LILRB2: variants seen among roughly 807,000 people sequenced by gnomAD.
LILRB2 encodes leukocyte immunoglobulin like receptor B2, also known as leukocyte immunoglobulin-like receptor subfamily B member 2.
LILRB2 carries 47 observed loss-of-function variants against 72.7 expected under a neutral mutation model. The observed-to-expected ratio is 0.65, with a 90% CI of 0.51 to 0.82. The LOEUF is 0.82. LILRB2 is among the 40% of genes least tolerant of loss of function. LILRB2 has a pLI of 0.00. For missense variants in LILRB2, 767 were observed against 764.8 expected (o/e 1.00, Z -0.03); for synonymous variants, 279 against 313.7 (o/e 0.89, Z 1.17).
intron 13 of LILRB2, chr19:54,275,138 C>T: frequency 6.5e-7 from 1 of 1,535,768 alleles, no homozygotes; most frequent in Non-Finnish European, 8.9e-7. Context: ...CCTCACTGTT[C>T]CCGGGGTGAT....
Position 54,274,594 on chromosome 19 carries a change from G to T in LILRB2, c.*89C>A. 1 of 1,601,082 alleles carries T rather than the reference G, an allele frequency of 6.2e-7. No individual in the cohort carries two copies. The highest frequency in any genetic ancestry group is 1.3e-5 in the African/African-American group (1 of 74,750). ...TTGTTAGGGGTCCAGGCTGACTGGGGTTCATTGGTGTCCACTGGGGGCAGC... is the reference window on the plus strand; with the variant it reads ...TTGTTAGGGGTCCAGGCTGACTGGGTTTCATTGGTGTCCACTGGGGGCAGC... On this transcript the variant is annotated 3_prime_UTR_variant, in exon 14 of 14. Coordinates refer to ENST00000314446, the MANE Select transcript of LILRB2 (RefSeq NM_001080978.4).
chr19:54,277,849 T>A (rs2147769722), intron 8 of LILRB2, 40 bp downstream of exon 8: 1 of 1,496,840 alleles, frequency 6.7e-7, no homozygotes. Context: ...GCCCTGGGGG[T>A]CGCTGCGCTC....
Position 54,278,797 on chromosome 19 carries a change from CG to C in LILRB2, c.955+14del. 6.2e-7 allele frequency: 1 copy of C among 1,610,948 alleles called. No homozygotes were observed. The highest frequency in any genetic ancestry group is 8.5e-7 in the Non-Finnish European group (1 of 1,179,206). ...CAGAGTCTGGGTCCCTGACTGAACC[CG>C]CTGGGCTCCTCACCTGTGATCAGGA... On this transcript the variant is annotated intron_variant, in intron 6 of 13. Coordinates refer to ENST00000314446, the MANE Select transcript of LILRB2 (RefSeq NM_001080978.4).
At chr19:54,278,149 G>T in intron 7 of LILRB2, 111 bp downstream of exon 7, 1 of 1,434,364 alleles carries the variant, frequency 7.0e-7, no homozygotes, top group Non-Finnish European at 9.5e-7. Flanking sequence ...TCTCCCACTG[G>T]CTGAGCCCCG....
At chr19:54,279,180 T>C in intron 5 of LILRB2, 72 bp from the exon 6 acceptor site, 1 of 1,516,034 alleles carries the variant, frequency 6.6e-7, no homozygotes, top group Non-Finnish European at 8.8e-7. Context: ...TCTCCCCCGG[T>C]GCCTCACCAC....
At position 54,280,315 on chromosome 19, in the gene LILRB2, C is replaced by A; in HGVS notation, c.35-16G>T. 1.9e-6 allele frequency: 3 copies of A among 1,614,178 alleles called. No individual in the cohort carries two copies. Among genetic ancestry groups the A allele is most frequent in the Non-Finnish European group, 1.7e-6 (2 of 1,180,010 alleles). On this transcript the variant is annotated splice_polypyrimidine_tract_variant and intron_variant, in intron 2 of 13. Transcript: ENST00000314446. ...AGACTCAGCCCTGGAAGAGAGTTCC[C>A]TGTGAGGGATTTGCCCCCTGAAGCC...
In LILRB2 at chr19:54,276,285, C is replaced by T. The variant is rs369899348; in HGVS notation, c.1573G>A (p.Asp525Asn). 5.6e-6 allele frequency: 9 copies of T among 1,613,922 alleles called. No homozygotes were observed. Among genetic ancestry groups the T allele is most frequent in the Middle Eastern group, 1.6e-4 (1 of 6,078 alleles). Residue 525 changes from aspartate (D) to asparagine (N), a missense_variant, in exon 12 of 14, where the codon GAC (aspartate) becomes AAC (asparagine). Coordinates refer to ENST00000314446, the MANE Select transcript of LILRB2 (RefSeq NM_001080978.4). Reference protein sequence around the residue: ...GLQWRSSPAADAQEENLYAAV... With the variant: ...GLQWRSSPAANAQEENLYAAV... The stretch of plus-strand genomic sequence containing the variant: ...TCACAGAGGTTTTCTTCCTGGGCGT[C>T]GGCAGCTGGGCTGGACCTGGGGGAG...
At chr19:54,278,066 A>G in intron 7 of LILRB2, 127 bp from the exon 8 acceptor site, 4 of 1,100,842 alleles carry the variant, frequency 3.6e-6, no homozygotes, top group East Asian at 2.6e-5. Context: ...TCTCCTGTCC[A>G]TGATGCTGGC....
rs1356570312 is a variant in LILRB2, at chr19:54,275,794, G to C, written c.1647+157C>G. Reference sequence around the variant, plus strand: ...CCCACGAGGTCCCAGGACAGCAGGAGAGAGTGAGGTCACAGCAGGCGGGAG... The same window carrying C: ...CCCACGAGGTCCCAGGACAGCAGGACAGAGTGAGGTCACAGCAGGCGGGAG... On this transcript the variant is annotated intron_variant, in intron 13 of 13. Coordinates refer to ENST00000314446, the MANE Select transcript of LILRB2 (RefSeq NM_001080978.4). 3.0e-6 allele frequency: 3 copies of C among 998,138 alleles called. No individual in the cohort carries two copies. The African/African-American group carries it at 4.8e-5, about 16-fold the overall frequency. 61.8% of individuals were successfully genotyped at this position (998,138 alleles called of 1,614,324 possible).
chr19:54,275,667 G>C (rs548206676), intron 13 of LILRB2: 1 of 584,022 alleles, frequency 1.7e-6, no homozygotes, highest in African/African-American at 1.9e-5. Flanking sequence ...CAGGGGACCG[G>C]GGTGGTTCAT....
chr19:54,280,997 G>C lies in LILRB2; in HGVS notation c.-85C>G, dbSNP rs528274144. On this transcript the variant is annotated 5_prime_UTR_variant, in exon 1 of 14. Coordinates refer to ENST00000314446, the MANE Select transcript of LILRB2 (RefSeq NM_001080978.4). The stretch of plus-strand genomic sequence containing the variant: ...TCCCTCCAGCCCTGGAGATGCTTCA[G>C]GGAAGACCCAGGTCCATGCTGCAGG... 1.9e-4 allele frequency: 224 copies of C among 1,180,836 alleles called. 2 individuals carry two copies. In the East Asian group the frequency reaches 9.5e-3, roughly 50 times the overall value. The allele number at this position is 1,180,836 out of a possible 1,614,324, so 73.1% of individuals were successfully genotyped here. A position where few individuals can be genotyped will look rare whatever the true frequency, so the allele number is the denominator to read the frequency against.
At chr19:54,275,787 A>T in intron 13 of LILRB2, 164 bp downstream of exon 13, 2 of 952,440 alleles carry the variant, frequency 2.1e-6, no homozygotes, top group Non-Finnish European at 3.4e-6. Context: ...GTCCCAGGAC[A>T]GCAGGAGAGA....
Position 54,274,484 on chromosome 19 carries a change from C to T in LILRB2, c.*199G>A. On this transcript the variant is annotated 3_prime_UTR_variant, in exon 14 of 14. Transcript: ENST00000314446. ...TCATTGATTATTGAGAAGTCTGTTG[C>T]TTTAATTAAAAAATGTAGGGATATT... 3 of 1,006,078 alleles carry T rather than the reference C, an allele frequency of 3.0e-6. No individual in the cohort carries two copies. Among genetic ancestry groups the T allele is most frequent in the East Asian group, 5.3e-5 (2 of 37,742 alleles). 62.3% of individuals were successfully genotyped at this position (1,006,078 alleles called of 1,614,324 possible). A position where few individuals can be genotyped will look rare whatever the true frequency, so the allele number is the denominator to read the frequency against.
chr19:54,274,716 C>A lies in LILRB2; in HGVS notation c.1761G>T (p.Glu587Asp). 2 of 1,613,900 alleles carry A rather than the reference C, an allele frequency of 1.2e-6. No individual in the cohort carries two copies. Reference protein sequence around the residue: ...PPSQEREPPAEPSIYATLAIH With the variant: ...PPSQEREPPADPSIYATLAIH ...TGGCCAGGGTGGCGTAGATGCTGGG[C>A]TCAGCTGGAGGTTCCCTTTCCTGGG... is the stretch of plus-strand genomic sequence containing the variant. Residue 587 changes from glutamate to aspartate, a missense_variant, in exon 14 of 14, where the codon GAG becomes GAT. Glu to Asp is a conservative substitution (Grantham distance 45, BLOSUM62 2). Coordinates refer to ENST00000314446, the MANE Select transcript of LILRB2 (RefSeq NM_001080978.4).
At position 54,274,749 on chromosome 19, in the gene LILRB2, A is replaced by C. The variant is rs775122304; in HGVS notation, c.1728T>G (p.Pro576=). The change falls in exon 14 of 14, where the codon CCT becomes CCG. Residue 576 remains proline, a synonymous_variant. Coordinates refer to ENST00000314446, the MANE Select transcript of LILRB2 (RefSeq NM_001080978.4). ...SLTLRRKATE[P]PPSQEREPPA... ...GAGGTTCCCTTTCCTGGGATGGAGG[A>C]GGCTCAGTTGCCTTCCGTCTGAGGG... The C allele has an allele frequency of 2.0e-5, 33 of 1,612,408 alleles. No homozygotes were observed. Among genetic ancestry groups the C allele is most frequent in the Non-Finnish European group, 2.8e-5 (33 of 1,179,816 alleles).
chr19:54,278,005 AT>A (rs2080326684), intron 7 of LILRB2, 66 bp from the exon 8 acceptor site: 1 of 1,279,042 alleles, frequency 7.8e-7, no homozygotes, highest in Non-Finnish European at 1.1e-6. Flanking sequence ...CTCAAACCAA[AT>A]TTCTCTACAT....
rs927801579 is a variant in LILRB2, at chr19:54,276,563, T to C, written c.1481-107A>G. The stretch of plus-strand genomic sequence containing the variant: ...AAACCTAAAAACACTCCTGCCTCCA[T>C]GTTCCAAATGCCTCATGAGATGGAC... On this transcript the variant is annotated intron_variant, in intron 10 of 13. Transcript: ENST00000314446. 7 of 1,412,250 alleles carry C rather than the reference T, an allele frequency of 5.0e-6. No homozygotes were observed. The African/African-American group carries it at 8.7e-5, about 17-fold the overall frequency. 87.5% of individuals were successfully genotyped at this position (1,412,250 alleles called of 1,614,324 possible). A position where few individuals can be genotyped will look rare whatever the true frequency, so the allele number is the denominator to read the frequency against.
At chr19:54,279,237 GC>G (rs2080424877) in intron 5 of LILRB2, 107 bp downstream of exon 5, 1 of 1,537,124 alleles carries the variant, frequency 6.5e-7, no homozygotes, top group South Asian at 1.3e-5. Flanking sequence ...GAGCCCTCTC[GC>G]CCCAACATCA....
chr19:54,279,773 C>G lies in LILRB2; in HGVS notation c.355+18G>C. On this transcript the variant is annotated intron_variant, in intron 4 of 13. Coordinates refer to ENST00000314446, the MANE Select transcript of LILRB2 (RefSeq NM_001080978.4). Reference sequence around the variant, plus strand: ...TGAGGGCAGAGCCTGGGGCTGGGATCCCTGAGTGTCCTCTCACCTGTCATC... The same window carrying G: ...TGAGGGCAGAGCCTGGGGCTGGGATGCCTGAGTGTCCTCTCACCTGTCATC... 1.1e-5 allele frequency: 17 copies of G among 1,613,478 alleles called. No homozygotes were observed. The highest frequency in any genetic ancestry group is 1.4e-5 in the Non-Finnish European group (17 of 1,179,594).
Sources: gnomAD v4.1 joint callset for allele counts on GRCh38, gnomAD v4.1.1 for gene constraint, MANE v1.5 for transcripts, NCBI Gene and HGNC (gene_info 2026-07-23, HGNC 2026-07-21) for gene names.